CPNE4: variants seen among roughly 807,000 people sequenced by gnomAD.
The protein encoded by CPNE4 is copine-4.
Under a neutral mutation model 67.9 loss-of-function variants are expected in CPNE4, and 25 were observed. That is an observed-to-expected ratio of 0.37 (90% CI 0.27 to 0.51). CPNE4 has a LOEUF of 0.51. Among genes scored for constraint, CPNE4 ranks in the 20% least tolerant of loss-of-function variants. The probability of loss-of-function intolerance (pLI) is 0.93; values close to 1 mark genes in which losing one functional copy is unlikely to be tolerated. For missense variants in CPNE4, 464 were observed against 690.8 expected (o/e 0.67, Z 3.68); for synonymous variants, 242 against 244.9 (o/e 0.99, Z 0.11).
At chr3:131,807,981 G>A (rs893416426) in intron 2 of CPNE4, among the ~76,000 whole-genome samples, 18 of 152,100 alleles carry the variant, frequency 1.2e-4, no homozygotes, top group Non-Finnish European at 2.6e-4. Context: ...AAACTCTCTG[G>A]CATGAAGCAT....
At chr3:131,753,426 G>A (rs2082677926) in intron 2 of CPNE4, among the ~76,000 whole-genome samples, 2 of 151,998 alleles carry the variant, frequency 1.3e-5, no homozygotes, top group African/African-American at 2.4e-5. Context: ...AACATATTTG[G>A]CTACATAAAA....
At chr3:131,617,805 C>A (rs1305345534) in intron 7 of CPNE4, among the ~76,000 whole-genome samples, 1 of 152,200 alleles carries the variant, frequency 6.6e-6, no homozygotes, top group East Asian at 1.9e-4. Context: ...AAACCATTTT[C>A]TCCATGGAGT....
chr3:131,688,851 A>G (rs1182086823), intron 5 of CPNE4, among the ~76,000 whole-genome samples: 1 of 69,992 alleles, frequency 1.4e-5, no homozygotes, highest in African/African-American at 3.5e-5. Context: ...CTCTACATAT[A>G]CTTTTCTGTC....
intron 7 of CPNE4, among the ~76,000 whole-genome samples, chr3:131,616,289 T>C (rs1256905755): frequency 2.0e-5 from 3 of 152,154 alleles, no homozygotes; most frequent in Non-Finnish European, 4.4e-5. Context: ...AGCATGAGAA[T>C]AAATGCGAAC....
At chr3:131,671,258 T>C (rs1451586152) in intron 6 of CPNE4, among the ~76,000 whole-genome samples, 2 of 152,222 alleles carry the variant, frequency 1.3e-5, no homozygotes, top group Non-Finnish European at 2.9e-5. Context: ...TCATGTGTTC[T>C]AGTACACTTA....
rs960204670 is a variant in CPNE4, at chr3:131,905,535, T to C, written c.-1-91A>G. ...AGCCTCCCAATCACCCTTCAGAAAA[T>C]TGTTTGACACACAGTTTCAAACATT... On this transcript the variant is annotated intron_variant, in intron 1 of 15. Transcript: ENST00000429747. 7 of 1,170,948 alleles carry C rather than the reference T, an allele frequency of 6.0e-6. No individual in the cohort carries two copies. In the African/African-American group the frequency reaches 6.3e-5, roughly 11 times the overall value. 72.5% of individuals were successfully genotyped at this position (1,170,948 alleles called of 1,614,324 possible).
At chr3:131,692,693 A>T (rs1454880169) in intron 5 of CPNE4, among the ~76,000 whole-genome samples, 1 of 152,296 alleles carries the variant, frequency 6.6e-6, no homozygotes, top group East Asian at 1.9e-4. Context: ...CTAGCCCTTT[A>T]TTAAAAAGTT....
intron 2 of CPNE4, among the ~76,000 whole-genome samples, chr3:131,813,371 CG>C (rs1216809632): frequency 2.0e-5 from 3 of 150,084 alleles, no homozygotes; most frequent in Non-Finnish European, 4.4e-5. Context: ...AATCCATTCA[CG>C]TTTTTTAAAT....
chr3:131,593,272 T>TAA (rs1236119545), intron 7 of CPNE4, among the ~76,000 whole-genome samples: 1 of 152,238 alleles, frequency 6.6e-6, no homozygotes, highest in Non-Finnish European at 1.5e-5. Flanking sequence ...ATTTGAACAC[T>TAA]AAGTCTTTCA....
intron 1 of CPNE4, among the ~76,000 whole-genome samples, chr3:131,955,048 G>T (rs941021886): frequency 6.7e-6 from 1 of 148,372 alleles, no homozygotes; most frequent in East Asian, 1.9e-4. Flanking sequence ...GCTAGAAATC[G>T]CATGTTCCAT....
At chr3:131,908,056 C>A (rs2088838108) in intron 1 of CPNE4, among the ~76,000 whole-genome samples, 1 of 152,122 alleles carries the variant, frequency 6.6e-6, no homozygotes, top group African/African-American at 2.4e-5. Context: ...TACCAGTTTT[C>A]TATCAGCCAG....
At chr3:131,799,920 T>TGTGTGTGTGTG (rs2084036346) in intron 2 of CPNE4, among the ~76,000 whole-genome samples, 3 of 2,148 alleles carry the variant, frequency 1.4e-3, no homozygotes, top group African/African-American at 3.2e-3. Context: ...GTGTGTGTGT[T>TGTGTGTGTGTG]GTGTGTGTGT....
At chr3:131,847,428 A>T (rs749202755) in intron 2 of CPNE4, among the ~76,000 whole-genome samples, 4 of 152,184 alleles carry the variant, frequency 2.6e-5, no homozygotes, top group Non-Finnish European at 5.9e-5. Context: ...TATCCTGGGC[A>T]TATATGATTA....
At chr3:131,537,400 C>T (rs987820976) in intron 15 of CPNE4, among the ~76,000 whole-genome samples, 1 of 150,594 alleles carries the variant, frequency 6.6e-6, no homozygotes, top group Non-Finnish European at 1.5e-5. Flanking sequence ...TCTCCTGCTT[C>T]AGCCTCCAGA....
intron 2 of CPNE4, among the ~76,000 whole-genome samples, chr3:131,794,491 C>A (rs2083866396): frequency 1.3e-5 from 2 of 152,140 alleles, no homozygotes; most frequent in South Asian, 4.2e-4. Flanking sequence ...GATCCACCCA[C>A]CTCGGCCTCC....
At chr3:131,655,399 C>G (rs1392335657) in intron 7 of CPNE4, among the ~76,000 whole-genome samples, 2 of 152,124 alleles carry the variant, frequency 1.3e-5, no homozygotes, top group Non-Finnish European at 1.5e-5. Context: ...ACATCATATG[C>G]CTTCAAGAGT....
chr3:131,792,636 C>CACACGT (rs1553772163), intron 2 of CPNE4, among the ~76,000 whole-genome samples: 1 of 66,954 alleles, frequency 1.5e-5, no homozygotes, highest in African/African-American at 5.6e-5. Context: ...TATATACACA[C>CACACGT]GTGTATATAT....
chr3:131,542,649 G>A lies in CPNE4; in HGVS notation c.1447C>T (p.Leu483=). ...CTCAGAATCCCATCATCACCGTCCA[G>A]CATCTGCATGTCACTGAAGTCAGCG... ...GNADFSDMQM[L]DGDDGILRSP... Residue 483 remains leucine (L), a synonymous_variant, in exon 15 of 16, where the codon CTG becomes TTG. Transcript: ENST00000429747. The A allele has an allele frequency of 6.2e-7, 1 of 1,614,094 alleles. No homozygotes were observed. Among genetic ancestry groups the A allele is most frequent in the Non-Finnish European group, 8.5e-7 (1 of 1,179,990 alleles).
Position 131,616,481 on chromosome 3 carries a change from G to A in CPNE4, c.682-28899C>T, listed in dbSNP as rs547287390. On this transcript the variant is annotated intron_variant, in intron 7 of 15. Transcript: ENST00000429747. Reference sequence around the variant, plus strand: ...TTCCAATTTTTTCAGGTGAATTCTTGCAAAATCTTCCCAAACTAGAGGTAA... The same window carrying A: ...TTCCAATTTTTTCAGGTGAATTCTTACAAAATCTTCCCAAACTAGAGGTAA... Among the ~76,000 whole-genome samples the A allele has an allele frequency of 3.3e-3, 497 of 152,188 alleles. 2 individuals are homozygous for A. The highest frequency in any genetic ancestry group is 0.011 in the African/African-American group (456 of 41,520).
Sources: gnomAD v4.1 joint callset for allele counts (sites outside exome capture counted in the v4.1 genomes callset) on GRCh38, gnomAD v4.1.1 for gene constraint, MANE v1.5 for transcripts, NCBI Gene and HGNC (gene_info 2026-07-23, HGNC 2026-07-21) for gene names.